The following MIDEAS variants were observed in gnomAD, a reference collection of about 807,000 sequenced individuals.
MIDEAS encodes the protein mitotic deacetylase-associated SANT domain protein.
In MIDEAS, 26 loss-of-function variants were observed where a neutral mutation model predicts 102.7. The ratio of observed to expected loss-of-function variants is 0.25; its 90% CI spans 0.19 to 0.35. The LOEUF (loss-of-function observed/expected upper bound fraction) is 0.35. MIDEAS is among the 10% of genes least tolerant of loss of function. MIDEAS has a pLI of 1.00. For missense variants in MIDEAS, 1,231 were observed against 1,435.6 expected (o/e 0.86, Z 2.30); for synonymous variants, 585 against 591.0 (o/e 0.99, Z 0.15).
At chr14:73,719,597 A>G in intron 11 of MIDEAS, 96 bp from the exon 12 acceptor site, 1 of 1,269,454 alleles carries the variant, frequency 7.9e-7, no homozygotes, top group Non-Finnish European at 1.1e-6. Context: ...AAAGTCATAT[A>G]TATTCCTGCC....
At chr14:73,762,219 T>TA (rs1265683681), upstream of MIDEAS, among the ~76,000 whole-genome samples, 1 of 152,030 alleles carries the variant, frequency 6.6e-6, no homozygotes, top group African/African-American at 2.4e-5. Flanking sequence ...CCAGGGATGT[T>TA]CCCAACCAAC....
At position 73,727,450 on chromosome 14, in the gene MIDEAS, G is replaced by A; in HGVS notation, c.2162+8C>T. The A allele has an allele frequency of 6.2e-7, 1 of 1,613,972 alleles. No individual in the cohort carries two copies. The highest frequency in any genetic ancestry group is 8.5e-7 in the Non-Finnish European group (1 of 1,179,978). The stretch of plus-strand genomic sequence containing the variant: ...ACACCCCTCGGCCAGGGGCAGGGCT[G>A]CACTTACGGCTCGATGCTCACTGGG... On this transcript the variant is annotated splice_region_variant and intron_variant, in intron 5 of 12. Transcript: ENST00000423556.
In MIDEAS at chr14:73,717,125, T is replaced by G. The variant is rs1458382023; in HGVS notation, c.*1718A>C. 6.6e-6 allele frequency: 1 copy of G among 152,220 alleles called. No homozygotes were observed. Among genetic ancestry groups the G allele is most frequent in the Non-Finnish European group, 1.5e-5 (1 of 68,054 alleles). The allele number at this position is 152,220 out of a possible 1,614,324, so 9.4% of individuals were successfully genotyped here. On this transcript the variant is annotated 3_prime_UTR_variant, in exon 13 of 13. Coordinates refer to ENST00000423556, the MANE Select transcript of MIDEAS (RefSeq NM_001367710.1). ...GATGCTGAAAAATACCTGCATAGTTTCAAAACAAAACTCCCTCTCCACTCC... is the reference window on the plus strand; with the variant it reads ...GATGCTGAAAAATACCTGCATAGTTGCAAAACAAAACTCCCTCTCCACTCC...
chr14:73,734,142 G>A (rs368637897), intron 3 of MIDEAS, among the ~76,000 whole-genome samples: 1 of 150,884 alleles, frequency 6.6e-6, no homozygotes, highest in African/African-American at 2.4e-5. Context: ...ACACCACCAC[G>A]CCCAGCTAAT....
Position 73,725,416 on chromosome 14 carries a change from G to A in MIDEAS, c.2486-56C>T. ...GGTGGGCAGGGCCCTGGCCACTGCA[G>A]GGCAATTTTGACAAGCAAAAAAGTG... On this transcript the variant is annotated intron_variant, in intron 8 of 12. Transcript: ENST00000423556. The surrounding 1 kb of genome is among the most constrained non-coding windows in gnomAD (Gnocchi z 4.1). The A allele has an allele frequency of 6.8e-7, 1 of 1,462,380 alleles. No individual in the cohort carries two copies. Among genetic ancestry groups the A allele is most frequent in the Non-Finnish European group, 9.6e-7 (1 of 1,043,788 alleles). The allele number at this position is 1,462,380 out of a possible 1,614,324, so 90.6% of individuals were successfully genotyped here.
intron 1 of MIDEAS, among the ~76,000 whole-genome samples, chr14:73,747,772 A>G (rs1360793191): frequency 6.6e-6 from 1 of 152,134 alleles, no homozygotes; most frequent in Non-Finnish European, 1.5e-5. Flanking sequence ...GCACTGGAGC[A>G]GGGGAAGGGC....
intron 1 of MIDEAS, among the ~76,000 whole-genome samples, chr14:73,774,971 T>C (rs1257265938): frequency 1.3e-5 from 2 of 152,178 alleles, no homozygotes; most frequent in East Asian, 3.9e-4. Context: ...CCCAGCATCC[T>C]GCAGGGGGGA....
intron 1 of MIDEAS, among the ~76,000 whole-genome samples, chr14:73,752,429 G>A (rs1595280901): frequency 1.3e-5 from 2 of 152,254 alleles, no homozygotes; most frequent in Admixed American, 1.3e-4. Flanking sequence ...ATCAACCCAG[G>A]CTCTCCTGAC....
intron 1 of MIDEAS, among the ~76,000 whole-genome samples, chr14:73,780,437 T>G (rs1369403911): frequency 6.6e-6 from 1 of 152,218 alleles, no homozygotes; most frequent in Non-Finnish European, 1.5e-5. Flanking sequence ...GCCGTAACAG[T>G]AGTGACCTTC....
intron 1 of MIDEAS, among the ~76,000 whole-genome samples, chr14:73,749,509 G>A (rs2053395293): frequency 2.7e-5 from 4 of 150,552 alleles, no homozygotes; most frequent in Non-Finnish European, 5.9e-5. Flanking sequence ...GCAATCCAGC[G>A]TGCATGAAAG....
rs1393764089 is a variant in MIDEAS at position 73,735,824 on chromosome 14, T to C, written c.1749+1174A>G. ...TTCACCACTACACCATCTATGCGTG[T>C]TACAAAATCACACTTGTATCTCATA... On this transcript the variant is annotated intron_variant, in intron 3 of 12. Coordinates refer to ENST00000423556, the MANE Select transcript of MIDEAS (RefSeq NM_001367710.1). Among the ~76,000 whole-genome samples, 3 of 152,340 alleles carry C rather than the reference T, an allele frequency of 2.0e-5. No homozygotes were observed. In the East Asian group the frequency reaches 5.8e-4, roughly 29 times the overall value.
rs2053539394 is a variant in MIDEAS, at chr14:73,760,064, C to T, written c.-549G>A. The T allele has an allele frequency of 6.6e-6, 1 of 152,024 alleles. No individual in the cohort carries two copies. Among genetic ancestry groups the T allele is most frequent in the South Asian group, 2.1e-4 (1 of 4,832 alleles). The allele number at this position is 152,024 out of a possible 1,614,324, so 9.4% of individuals were successfully genotyped here. A position where few individuals can be genotyped will look rare whatever the true frequency, so the allele number is the denominator to read the frequency against. ...CGCCTCGCGAGCGCTCTGCCTCCCT[C>T]CGTGTCACCCCCAGTCCTGCGATGC... On this transcript the variant is annotated 5_prime_UTR_variant, in exon 1 of 13. Coordinates refer to ENST00000423556, the MANE Select transcript of MIDEAS (RefSeq NM_001367710.1). This position sits in a 1 kb window ranked among gnomAD's most constrained non-coding sequence, Gnocchi z 4.8.
At chr14:73,721,274 C>T (rs779289375) in intron 11 of MIDEAS, 23 bp downstream of exon 11, 21 of 1,608,358 alleles carry the variant, frequency 1.3e-5, no homozygotes, top group South Asian at 8.8e-5. Flanking sequence ...GCCCTGGGCT[C>T]AGCCCATGGT....
chr14:73,758,461 G>C (rs994567626), intron 1 of MIDEAS, among the ~76,000 whole-genome samples: 2 of 152,186 alleles, frequency 1.3e-5, no homozygotes, highest in Non-Finnish European at 2.9e-5. Flanking sequence ...GGAACAAGAA[G>C]ATCCCAGATC....
At chr14:73,755,895 T>C (rs777518279) in intron 1 of MIDEAS, among the ~76,000 whole-genome samples, 5 of 152,332 alleles carry the variant, frequency 3.3e-5, no homozygotes, top group Admixed American at 6.5e-5. Flanking sequence ...TTGCCATCTG[T>C]TGAATACCTA....
chr14:73,769,926 T>A (rs1011006265), intron 1 of MIDEAS, among the ~76,000 whole-genome samples: 17 of 147,242 alleles, frequency 1.2e-4, no homozygotes, highest in Admixed American at 2.7e-4. Flanking sequence ...TTTTTTTTTT[T>A]AATTTTTGCG....
chr14:73,764,966 G>A (rs2053582447), upstream of MIDEAS, among the ~76,000 whole-genome samples: 1 of 152,234 alleles, frequency 6.6e-6, no homozygotes, highest in Non-Finnish European at 1.5e-5. Context: ...CCGGGTGTAG[G>A]GAGAAGGACA....
chr14:73,777,712 G>A (rs961240814), intron 1 of MIDEAS, among the ~76,000 whole-genome samples: 4 of 151,948 alleles, frequency 2.6e-5, no homozygotes, highest in Admixed American at 6.6e-5. Context: ...CCTCTCATTC[G>A]TTAATTCCAC....
chr14:73,726,489 A>C (rs1595255446), intron 7 of MIDEAS, 115 bp downstream of exon 7: 1 of 998,662 alleles, frequency 1.0e-6, no homozygotes, highest in South Asian at 1.6e-5. Context: ...CCTTAGTCAG[A>C]CCCTCCTACT....
Sources: allele counts gnomAD v4.1 joint callset (sites outside exome capture counted in the v4.1 genomes callset), GRCh38; gene constraint gnomAD v4.1.1; non-coding constraint Gnocchi (gnomAD v3.1); transcripts MANE v1.5; gene names NCBI Gene and HGNC (gene_info 2026-07-23, HGNC 2026-07-21).